Variants in TTC39C observed in about 807,000 individuals in gnomAD.
TTC39C encodes the protein tetratricopeptide repeat protein 39C.
A neutral mutation model predicts 76.3 loss-of-function variants in TTC39C; 33 were observed. That is an observed-to-expected ratio of 0.43 (90% CI 0.33 to 0.58). The LOEUF is 0.58. TTC39C is among the 20% of genes least tolerant of loss of function. The probability of loss-of-function intolerance (pLI) is 0.04; values close to 1 mark genes in which losing one functional copy is unlikely to be tolerated. For missense variants in TTC39C, 595 were observed against 701.4 expected, an observed-to-expected ratio of 0.85 and a Z score of 1.71; for synonymous variants, 254 against 260.6, an observed-to-expected ratio of 0.97 and a Z score of 0.24.
At chr18:24,027,419 A>T (rs562375825) in intron 1 of TTC39C, among the ~76,000 whole-genome samples, 1 of 152,256 alleles carries the variant, frequency 6.6e-6, no homozygotes, top group African/African-American at 2.4e-5. Context: ...ATCTCAAGTT[A>T]TGTGTTGGCA....
chr18:24,065,800 A>G (rs1335866927), intron 2 of TTC39C, among the ~76,000 whole-genome samples: 1 of 152,206 alleles, frequency 6.6e-6, no homozygotes, highest in Admixed American at 6.5e-5. Flanking sequence ...TTATTACCGT[A>G]TTTCTTTCAT....
chr18:24,075,903 GC>G (rs1433970901), intron 4 of TTC39C, among the ~76,000 whole-genome samples: 2 of 152,154 alleles, frequency 1.3e-5, no homozygotes, highest in African/African-American at 4.8e-5. Flanking sequence ...AGCAGCTCTT[GC>G]CCTTTCCCAG....
chr18:24,127,861 C>T (rs1173873875), intron 10 of TTC39C, among the ~76,000 whole-genome samples: 1 of 152,158 alleles, frequency 6.6e-6, no homozygotes, highest in Non-Finnish European at 1.5e-5. Context: ...GCAGAGTGAT[C>T]CTATTAAAAC....
Position 24,123,887 on chromosome 18 carries a change from G to A in TTC39C, c.1240G>A (p.Val414Ile). The A allele has an allele frequency of 6.2e-7, 1 of 1,613,070 alleles. No homozygotes were observed. The highest frequency in any genetic ancestry group is 8.5e-7 in the Non-Finnish European group (1 of 1,179,830). Residue 414 changes from valine (V) to isoleucine (I), a missense_variant, in exon 9 of 14, where the codon GTT becomes ATT. By Grantham distance (29) the Val-to-Ile change is conservative. Coordinates refer to ENST00000317571, the MANE Select transcript of TTC39C (RefSeq NM_001135993.2). ...TGGGGCACAGATTGTCTTTAAAGAAGTTCAGAAACTCTTCAAAAGGAAAAA... is the reference window on the plus strand; with the variant it reads ...TGGGGCACAGATTGTCTTTAAAGAAATTCAGAAACTCTTCAAAAGGAAAAA... ...VDGAQIVFKE[V>I]QKLFKRKNNQ...
chr18:24,105,514 A>T (rs2084735647), intron 6 of TTC39C, among the ~76,000 whole-genome samples: 1 of 152,222 alleles, frequency 6.6e-6, no homozygotes, highest in Non-Finnish European at 1.5e-5. Flanking sequence ...ATGCCTGCAC[A>T]TACACATACA....
Position 24,125,419 on chromosome 18 carries a change from C to G in TTC39C, c.1297-8C>G, listed in dbSNP as rs761868991. 1.2e-5 allele frequency: 20 copies of G among 1,613,964 alleles called. No homozygotes were observed. The highest frequency in any genetic ancestry group is 1.7e-5 in the Non-Finnish European group (20 of 1,179,956). ...AAAATGTAGCCTGTTTATTCTGACTCCTTGCAGGCAGAGCGATTTCGGAAG... is the reference window on the plus strand; with the variant it reads ...AAAATGTAGCCTGTTTATTCTGACTGCTTGCAGGCAGAGCGATTTCGGAAG... On this transcript the variant is annotated splice_region_variant and splice_polypyrimidine_tract_variant and intron_variant, in intron 9 of 13. Coordinates refer to ENST00000317571, the MANE Select transcript of TTC39C (RefSeq NM_001135993.2).
At chr18:24,027,601 C>T (rs1404794057) in intron 1 of TTC39C, among the ~76,000 whole-genome samples, 2 of 150,498 alleles carry the variant, frequency 1.3e-5, no homozygotes, top group African/African-American at 4.9e-5. Context: ...GCTCTGTCAA[C>T]CAGGCTGCAG....
intron 6 of TTC39C, chr18:24,113,690 A>G (rs1426867067): frequency 1.6e-5 from 11 of 702,208 alleles, no homozygotes; most frequent in Non-Finnish European, 2.1e-5. Context: ...GCATTTCTCA[A>G]TGCCTAAGAT....
At chr18:24,024,756 G>A (rs1274835252) in intron 1 of TTC39C, among the ~76,000 whole-genome samples, 2 of 152,124 alleles carry the variant, frequency 1.3e-5, no homozygotes, top group African/African-American at 2.4e-5. Flanking sequence ...AGGATTAGAC[G>A]ATGAATTGAA....
At position 24,114,287 on chromosome 18, in the gene TTC39C, T is replaced by C. The variant is rs1436595629; in HGVS notation, c.985-267T>C. 1.7e-5 allele frequency: 6 copies of C among 349,128 alleles called. No individual in the cohort carries two copies. The Admixed American group carries it at 2.8e-4, about 16-fold the overall frequency. The allele number at this position is 349,128 out of a possible 1,614,324, so 21.6% of individuals were successfully genotyped here. A position where few individuals can be genotyped will look rare whatever the true frequency, so the allele number is the denominator to read the frequency against. On this transcript the variant is annotated intron_variant, in intron 6 of 13. Coordinates refer to ENST00000317571, the MANE Select transcript of TTC39C (RefSeq NM_001135993.2). ...GGGTGTGAGCTGAGCCCTTAACACC[T>C]GAGCAAAGGAGAGAACGCTGGAGGA...
chr18:24,068,595 A>G (rs1264484183), intron 3 of TTC39C, among the ~76,000 whole-genome samples: 1 of 152,164 alleles, frequency 6.6e-6, no homozygotes, highest in Non-Finnish European at 1.5e-5. Context: ...CTTTTTGCAT[A>G]TTTGTATTTA....
intron 6 of TTC39C, chr18:24,113,466 A>C (rs762019846): frequency 2.6e-5 from 17 of 645,014 alleles, no homozygotes; most frequent in Non-Finnish European, 4.8e-5. Flanking sequence ...GATAATGGGC[A>C]CTTGGGAGCA....
chr18:24,097,306 C>T (rs971994140), intron 6 of TTC39C, among the ~76,000 whole-genome samples: 1 of 152,196 alleles, frequency 6.6e-6, no homozygotes, highest in African/African-American at 2.4e-5. Flanking sequence ...TGTGACTAGG[C>T]CACTCCCACC....
At chr18:24,127,584 A>G (rs561272124) in intron 10 of TTC39C, among the ~76,000 whole-genome samples, 1 of 152,096 alleles carries the variant, frequency 6.6e-6, no homozygotes, top group African/African-American at 2.4e-5. Flanking sequence ...GTGCACAATC[A>G]TGGCTCACTG....
At chr18:24,071,274 A>T (rs1365323519) in intron 4 of TTC39C, among the ~76,000 whole-genome samples, 1 of 152,182 alleles carries the variant, frequency 6.6e-6, no homozygotes, top group African/African-American at 2.4e-5. Flanking sequence ...TCAATCATTG[A>T]TCCATTCAAC....
chr18:24,065,905 C>T, intron 2 of TTC39C, 107 bp from the exon 3 acceptor site: 1 of 1,174,216 alleles, frequency 8.5e-7, no homozygotes, highest in Non-Finnish European at 1.2e-6. Flanking sequence ...CTTTTGCTTG[C>T]AATAAATAAT....
chr18:24,014,936 C>T lies in TTC39C; in HGVS notation c.65C>T (p.Ala22Val), dbSNP rs534666835. ...RDDGDSDAAA[A>V]AAAPLQDAEL... The stretch of plus-strand genomic sequence containing the variant: ...GACGGAGACTCGGACGCGGCAGCGG[C>T]GGCGGCGGCGCCCCTGCAGGACGCG... Residue 22 changes from alanine to valine, a missense_variant, in exon 1 of 14, where the codon GCG (alanine) becomes GTG (valine). Transcript: ENST00000317571. 6.6e-6 allele frequency: 10 copies of T among 1,525,362 alleles called. No homozygotes were observed. The highest frequency in any genetic ancestry group is 2.1e-5 in the Admixed American group (1 of 48,066). The allele number at this position is 1,525,362 out of a possible 1,614,324, so 94.5% of individuals were successfully genotyped here.
chr18:24,038,348 T>A (rs970082199), intron 1 of TTC39C, among the ~76,000 whole-genome samples: 1 of 152,134 alleles, frequency 6.6e-6, no homozygotes, highest in Non-Finnish European at 1.5e-5. Flanking sequence ...AGTGGTGCAA[T>A]CACAGTTCAC....
intron 1 of TTC39C, among the ~76,000 whole-genome samples, chr18:24,042,450 A>C (rs2083807045): frequency 6.6e-6 from 1 of 152,194 alleles, no homozygotes; most frequent in Non-Finnish European, 1.5e-5. Flanking sequence ...AGAATCTAAT[A>C]CTGCTGCTGA....
Sources: gnomAD v4.1 joint callset for allele counts (sites outside exome capture counted in the v4.1 genomes callset) on GRCh38, gnomAD v4.1.1 for gene constraint, MANE v1.5 for transcripts, NCBI Gene and HGNC (gene_info 2026-07-23, HGNC 2026-07-21) for gene names.